Variants in SKAP1 observed in about 807,000 individuals in gnomAD.
The protein encoded by SKAP1 is src kinase-associated phosphoprotein 1.
A neutral mutation model predicts 58.5 loss-of-function variants in SKAP1; 44 were observed. That is an observed-to-expected ratio of 0.75 (90% CI 0.59 to 0.97). SKAP1 has a LOEUF of 0.97. Among genes scored for constraint, SKAP1 ranks in the 50% least tolerant of loss-of-function variants. SKAP1 has a pLI of 0.00. For synonymous variants in SKAP1, 127 were observed against 149.7 expected (o/e 0.85, Z 1.11); for missense variants, 390 against 435.2 (o/e 0.90, Z 0.92).
At chr17:48,184,931 C>T (rs992076306) in intron 6 of SKAP1, 84 bp from the exon 7 acceptor site, 21 of 1,370,744 alleles carry the variant, frequency 1.5e-5, no homozygotes, top group Non-Finnish European at 2.0e-5. Context: ...AAAATAAAAG[C>T]ACAGAAACAG....
rs535009316 is a variant in SKAP1, at chr17:48,367,489, A to G, written c.153-3675T>C. 1.9e-3 allele frequency among the ~76,000 whole-genome samples: 245 copies of G among 130,034 alleles called. 2 individuals are homozygous for G. The highest frequency in any genetic ancestry group is 6.1e-3 in the African/African-American group (234 of 38,082). The allele number at this position is 130,034 out of a possible 152,430, so 85.3% of individuals were successfully genotyped here. On this transcript the variant is annotated intron_variant, in intron 2 of 12. Transcript: ENST00000336915. ...GATGAATGTATTAATTAGTATGACT[A>G]TGGTAATCCTTTCACCATGTATATG... is the stretch of plus-strand genomic sequence containing the variant.
At chr17:48,313,000 C>T (rs1440963605) in intron 4 of SKAP1, among the ~76,000 whole-genome samples, 1 of 152,100 alleles carries the variant, frequency 6.6e-6, no homozygotes, top group Non-Finnish European at 1.5e-5. Context: ...GAAAATGCTC[C>T]ATTAAGGAGG....
chr17:48,168,534 G>A (rs1378587349), intron 10 of SKAP1, among the ~76,000 whole-genome samples: 3 of 152,220 alleles, frequency 2.0e-5, no homozygotes, highest in Admixed American at 2.0e-4. Context: ...GCACGTGCCT[G>A]TGATCCCAGC....
intron 11 of SKAP1, among the ~76,000 whole-genome samples, chr17:48,153,884 G>T (rs1276054966): frequency 2.2e-5 from 3 of 138,132 alleles, no homozygotes; most frequent in African/African-American, 8.3e-5. Context: ...TTCCCTCAGA[G>T]CCCTGAAATT....
chr17:48,416,959 C>T (rs942472077), intron 1 of SKAP1, among the ~76,000 whole-genome samples: 3 of 152,194 alleles, frequency 2.0e-5, no homozygotes, highest in African/African-American at 7.2e-5. Context: ...ACATCAATTA[C>T]ATAAAAGTAC....
At chr17:48,367,055 C>A (rs1255418686) in intron 2 of SKAP1, among the ~76,000 whole-genome samples, 1 of 152,144 alleles carries the variant, frequency 6.6e-6, no homozygotes, top group Non-Finnish European at 1.5e-5. Flanking sequence ...TCCCATGATG[C>A]CCACTCCAAC....
chr17:48,382,202 A>G (rs2067223889), intron 2 of SKAP1, among the ~76,000 whole-genome samples: 1 of 151,550 alleles, frequency 6.6e-6, no homozygotes, highest in South Asian at 2.1e-4. Context: ...AAAAACCCAC[A>G]TGGGGGGAGG....
intron 4 of SKAP1, among the ~76,000 whole-genome samples, chr17:48,197,392 T>A (rs1323058990): frequency 6.6e-6 from 1 of 151,904 alleles, no homozygotes; most frequent in African/African-American, 2.4e-5. Flanking sequence ...CATGATTTAC[T>A]TACTCTTGAA....
intron 1 of SKAP1, among the ~76,000 whole-genome samples, chr17:48,401,076 C>T (rs1399960146): frequency 8.5e-5 from 13 of 152,074 alleles, no homozygotes; most frequent in Admixed American, 5.2e-4. Flanking sequence ...GAGGCTGAGA[C>T]GGGTGGATCA....
chr17:48,141,862 C>T (rs1330923281), intron 11 of SKAP1, among the ~76,000 whole-genome samples: 2 of 152,292 alleles, frequency 1.3e-5, no homozygotes, highest in African/African-American at 2.4e-5. Context: ...CCTCTACTTC[C>T]CTTCTCATTT....
At chr17:48,438,577 G>C in the SKAP1 span, among the ~76,000 whole-genome samples, 1 of 152,106 alleles carries the variant, frequency 6.6e-6, no homozygotes, top group East Asian at 1.9e-4. Context: ...AAGGTTATCA[G>C]ATTCTCCCCA....
intron 4 of SKAP1, among the ~76,000 whole-genome samples, chr17:48,208,095 CAT>C (rs1257204708): frequency 6.6e-6 from 1 of 152,200 alleles, no homozygotes; most frequent in East Asian, 1.9e-4. Flanking sequence ...TTAGTCTTGA[CAT>C]AAATTATACT....
At chr17:48,410,099 G>T (rs1420283448) in intron 1 of SKAP1, among the ~76,000 whole-genome samples, 1 of 152,316 alleles carries the variant, frequency 6.6e-6, no homozygotes, top group Admixed American at 6.5e-5. Flanking sequence ...TGCCATGGGT[G>T]TATGGGTTAA....
chr17:48,356,920 C>G (rs2066882626), intron 3 of SKAP1, among the ~76,000 whole-genome samples: 1 of 152,146 alleles, frequency 6.6e-6, no homozygotes, highest in Non-Finnish European at 1.5e-5. Context: ...ACAAACTATA[C>G]ACACTAGTTT....
intron 4 of SKAP1, among the ~76,000 whole-genome samples, chr17:48,291,864 C>T (rs575100459): frequency 3.9e-5 from 6 of 152,188 alleles, no homozygotes; most frequent in African/African-American, 4.8e-5. Context: ...TGCATACTAG[C>T]GTTAATCTAT....
chr17:48,154,066 G>A (rs2063938885), intron 11 of SKAP1, among the ~76,000 whole-genome samples: 1 of 152,090 alleles, frequency 6.6e-6, no homozygotes, highest in Admixed American at 6.6e-5. Flanking sequence ...GAAAGAACGG[G>A]GTCAAGGGAG....
chr17:48,200,337 A>G (rs183086194), intron 4 of SKAP1, among the ~76,000 whole-genome samples: 79 of 152,084 alleles, frequency 5.2e-4, no homozygotes, highest in Non-Finnish European at 8.1e-4. Context: ...GGAACATGTG[A>G]ATAGCTGAGC....
intron 2 of SKAP1, among the ~76,000 whole-genome samples, chr17:48,386,192 C>G (rs2067274267): frequency 6.6e-6 from 1 of 151,726 alleles, no homozygotes; most frequent in South Asian, 2.1e-4. Context: ...TAAAGAGGGT[C>G]TTTTGTTGTT....
intron 4 of SKAP1, among the ~76,000 whole-genome samples, chr17:48,248,486 G>A (rs1031699200): frequency 1.3e-5 from 2 of 152,164 alleles, no homozygotes; most frequent in Admixed American, 6.5e-5. Flanking sequence ...AGAATCGCGC[G>A]AACCCAGGAG....
Sources: gnomAD v4.1 joint callset for allele counts (sites outside exome capture counted in the v4.1 genomes callset) on GRCh38, gnomAD v4.1.1 for gene constraint, MANE v1.5 for transcripts, NCBI Gene and HGNC (gene_info 2026-07-23, HGNC 2026-07-21) for gene names.